ZPLD1: variants seen among roughly 807,000 people sequenced by gnomAD.
ZPLD1 encodes zona pellucida like domain containing 1, also known as zona pellucida-like domain-containing protein 1.
A neutral mutation model predicts 47.2 loss-of-function variants in ZPLD1; 34 were observed. That is an observed-to-expected ratio of 0.72 (90% CI 0.55 to 0.96). The LOEUF (loss-of-function observed/expected upper bound fraction) is 0.96. Among genes scored for constraint, ZPLD1 ranks in the 40% least tolerant of loss-of-function variants. The probability of loss-of-function intolerance (pLI) is 0.00; values close to 1 mark genes in which losing one functional copy is unlikely to be tolerated. For missense variants in ZPLD1, 512 were observed against 505.8 expected (o/e 1.01, Z -0.12); for synonymous variants, 176 against 186.2 (o/e 0.95, Z 0.45).
chr3:102,400,260 T>C (rs1706604158), intron 7 of ZPLD1, among the ~76,000 whole-genome samples: 1 of 152,120 alleles, frequency 6.6e-6, no homozygotes, highest in African/African-American at 2.4e-5. Flanking sequence ...GGAGTAAATG[T>C]CTTGAATGAT....
At chr3:102,477,369 C>T in intron 11 of ZPLD1, 74 bp from the exon 12 acceptor site, 8 of 1,424,358 alleles carry the variant, frequency 5.6e-6, no homozygotes, top group Non-Finnish European at 7.7e-6. Context: ...AGATGTTTTG[C>T]AGGTAAAATT....
chr3:102,405,063 A>G (rs1040846896), intron 7 of ZPLD1, among the ~76,000 whole-genome samples: 1 of 152,146 alleles, frequency 6.6e-6, no homozygotes, highest in South Asian at 2.1e-4. Context: ...ACTGAAAATT[A>G]TGATTAATAG....
chr3:102,395,566 C>T (rs903096092), intron 7 of ZPLD1, among the ~76,000 whole-genome samples: 8 of 152,144 alleles, frequency 5.3e-5, no homozygotes, highest in African/African-American at 1.9e-4. Flanking sequence ...GCAGTCGTTG[C>T]TGACACCTTG....
chr3:102,450,781 T>C (rs1461357602), intron 3 of ZPLD1, among the ~76,000 whole-genome samples: 4 of 152,172 alleles, frequency 2.6e-5, no homozygotes, highest in African/African-American at 9.6e-5. Flanking sequence ...GAATAGCATG[T>C]AGATAGAGAA....
chr3:102,429,970 T>C (rs564697831), intron 8 of ZPLD1, among the ~76,000 whole-genome samples: 24 of 152,342 alleles, frequency 1.6e-4, no homozygotes, highest in African/African-American at 5.5e-4. Context: ...ACAAGTCCTG[T>C]TATTTCCTTT....
chr3:102,414,312 G>T (rs1706779875), intron 7 of ZPLD1, among the ~76,000 whole-genome samples: 2 of 151,806 alleles, frequency 1.3e-5, no homozygotes, highest in Admixed American at 6.6e-5. Context: ...TATGACAATA[G>T]AAATATGATT....
At chr3:102,423,250 A>G (rs1706901173) in intron 8 of ZPLD1, among the ~76,000 whole-genome samples, 1 of 152,094 alleles carries the variant, frequency 6.6e-6, no homozygotes. Flanking sequence ...TTCTGTTTTC[A>G]GATTCCAGCT....
At chr3:102,428,183 C>T (rs1333339788) in intron 8 of ZPLD1, among the ~76,000 whole-genome samples, 1 of 152,074 alleles carries the variant, frequency 6.6e-6, no homozygotes, top group East Asian at 1.9e-4. Context: ...CCTGTATAAA[C>T]GTGAGAGACA....
intron 3 of ZPLD1, among the ~76,000 whole-genome samples, chr3:102,449,073 T>G (rs957840486): frequency 2.0e-5 from 3 of 152,246 alleles, no homozygotes; most frequent in Non-Finnish European, 4.4e-5. Flanking sequence ...CATTGCCTGC[T>G]ATTTCCTCTT....
intron 6 of ZPLD1, among the ~76,000 whole-genome samples, chr3:102,390,322 G>A (rs959092876): frequency 3.9e-5 from 6 of 152,088 alleles, no homozygotes; most frequent in Non-Finnish European, 8.8e-5. Flanking sequence ...AAGTTTCTCC[G>A]TTTTAGAATC....
upstream of ZPLD1, among the ~76,000 whole-genome samples, chr3:102,433,776 G>T (rs62274737): frequency 4.6e-5 from 7 of 151,970 alleles, no homozygotes; most frequent in South Asian, 2.1e-4. Context: ...TGATACACCC[G>T]CCTCGGCCTC....
In ZPLD1 at chr3:102,469,034, G is replaced by A; in HGVS notation, c.832G>A (p.Val278Met). Residue 278 changes from valine to methionine, a missense_variant, in exon 9 of 12, where the codon GTG (valine) becomes ATG (methionine). Coordinates refer to ENST00000466937, the MANE Select transcript of ZPLD1 (RefSeq NM_001329788.2). ...CCAGCGGGGCCGGTTTTCTTTTGAA[G>A]TGTTCCGATTTGTGAAACACAAGAA... ...RSQRGRFSFE[V>M]FRFVKHKNQK... 2 of 1,614,136 alleles carry A rather than the reference G, an allele frequency of 1.2e-6. No homozygotes were observed. Among genetic ancestry groups the A allele is most frequent in the Non-Finnish European group, 1.7e-6 (2 of 1,180,006 alleles).
intron 2 of ZPLD1, among the ~76,000 whole-genome samples, chr3:102,437,832 A>G (rs931393313): frequency 6.6e-6 from 1 of 152,228 alleles, no homozygotes; most frequent in Admixed American, 6.5e-5. Context: ...CCCACCAAGG[A>G]GCAGTTGTGG....
chr3:102,405,961 T>A (rs1706676421), intron 7 of ZPLD1, among the ~76,000 whole-genome samples: 1 of 152,012 alleles, frequency 6.6e-6, no homozygotes. Flanking sequence ...CTATTCTACA[T>A]CACTTAAAAG....
At chr3:102,448,241 A>G (rs368462689) in intron 3 of ZPLD1, among the ~76,000 whole-genome samples, 1 of 152,306 alleles carries the variant, frequency 6.6e-6, no homozygotes, top group South Asian at 2.1e-4. Context: ...CATTTGACAT[A>G]CTTAGTATCT....
At chr3:102,397,625 T>A (rs1442556156) in intron 7 of ZPLD1, among the ~76,000 whole-genome samples, 1 of 152,126 alleles carries the variant, frequency 6.6e-6, no homozygotes, top group African/African-American at 2.4e-5. Context: ...TCTCTTGTAT[T>A]CTATTTCAGA....
intron 6 of ZPLD1, among the ~76,000 whole-genome samples, chr3:102,461,256 A>G (rs769686502): frequency 6.6e-6 from 1 of 152,066 alleles, no homozygotes; most frequent in African/African-American, 2.4e-5. Flanking sequence ...CTTCAGAATT[A>G]CTAAGTTTAG....
At chr3:102,400,570 C>T (rs947178948) in intron 7 of ZPLD1, among the ~76,000 whole-genome samples, 1 of 151,986 alleles carries the variant, frequency 6.6e-6, no homozygotes, top group Non-Finnish European at 1.5e-5. Flanking sequence ...TCAGAAGTTT[C>T]CCCTGACTAT....
At chr3:102,437,028 C>G in intron 2 of ZPLD1, 55 bp downstream of exon 2, 1 of 745,670 alleles carries the variant, frequency 1.3e-6, no homozygotes, top group Non-Finnish European at 1.6e-6. Context: ...CTAGTGTCTT[C>G]CAAAGACTCC....
Sources: allele counts gnomAD v4.1 joint callset (sites outside exome capture counted in the v4.1 genomes callset), GRCh38; gene constraint gnomAD v4.1.1; transcripts MANE v1.5; gene names NCBI Gene and HGNC (gene_info 2026-07-23, HGNC 2026-07-21).